CLSTN2: variants seen among roughly 807,000 people sequenced by gnomAD.
CLSTN2 encodes the protein calsyntenin-2.
Under a neutral mutation model 101.2 loss-of-function variants are expected in CLSTN2, and 48 were observed. That is an observed-to-expected ratio of 0.47 (90% CI 0.38 to 0.60). CLSTN2 has a LOEUF of 0.60. Ranked by LOEUF, CLSTN2 falls within the 20% of genes least tolerant of loss-of-function variation. The probability of loss-of-function intolerance (pLI) is 0.00; values close to 1 mark genes in which losing one functional copy is unlikely to be tolerated. For synonymous variants in CLSTN2, 481 were observed against 463.6 expected, an observed-to-expected ratio of 1.04 and a Z score of -0.48; for missense variants, 1,160 against 1,238.2, an observed-to-expected ratio of 0.94 and a Z score of 0.95.
intron 2 of CLSTN2, among the ~76,000 whole-genome samples, chr3:140,180,697 G>T (rs1443753885): frequency 6.6e-6 from 1 of 152,150 alleles, no homozygotes; most frequent in Non-Finnish European, 1.5e-5. Flanking sequence ...GTCTGGACTT[G>T]TCTTTTATAA....
chr3:139,973,715 T>C (rs1203233408), intron 1 of CLSTN2, among the ~76,000 whole-genome samples: 1 of 152,134 alleles, frequency 6.6e-6, no homozygotes, highest in Non-Finnish European at 1.5e-5. Context: ...CACGGCTCAT[T>C]GCAGCCTTGA....
intron 1 of CLSTN2, among the ~76,000 whole-genome samples, chr3:140,048,007 G>A (rs936012011): frequency 2.0e-5 from 3 of 152,144 alleles, no homozygotes; most frequent in Non-Finnish European, 4.4e-5. Flanking sequence ...TAAATGCATG[G>A]CTATTAAAGT....
intron 1 of CLSTN2, among the ~76,000 whole-genome samples, chr3:140,013,391 G>A (rs1214487579): frequency 1.3e-5 from 2 of 152,192 alleles, no homozygotes; most frequent in Non-Finnish European, 2.9e-5. Flanking sequence ...TGGAGAGAAG[G>A]CCTAGCTACT....
At chr3:140,022,252 G>C (rs1301581685) in intron 1 of CLSTN2, among the ~76,000 whole-genome samples, 1 of 152,188 alleles carries the variant, frequency 6.6e-6, no homozygotes, top group Non-Finnish European at 1.5e-5. Flanking sequence ...CTGGCAGCTG[G>C]CTGGGGTGAG....
intron 2 of CLSTN2, among the ~76,000 whole-genome samples, chr3:140,342,812 G>A (rs964432954): frequency 6.6e-6 from 1 of 152,118 alleles, no homozygotes; most frequent in East Asian, 1.9e-4. Context: ...CTGGGACTGT[G>A]GCCAGAACAT....
chr3:139,969,534 A>G (rs1935658817), intron 1 of CLSTN2, among the ~76,000 whole-genome samples: 1 of 151,768 alleles, frequency 6.6e-6, no homozygotes, highest in Admixed American at 6.6e-5. Flanking sequence ...TACATACATC[A>G]CTACCTCCTC....
intron 2 of CLSTN2, among the ~76,000 whole-genome samples, chr3:140,366,828 G>A (rs2087795915): frequency 6.6e-6 from 1 of 152,178 alleles, no homozygotes; most frequent in Non-Finnish European, 1.5e-5. Context: ...GTAGCGTCAG[G>A]GACCAGCTGG....
chr3:139,963,118 C>T (rs1404104081), intron 1 of CLSTN2, among the ~76,000 whole-genome samples: 1 of 151,814 alleles, frequency 6.6e-6, no homozygotes, highest in Non-Finnish European at 1.5e-5. Flanking sequence ...GGGCAGAGAC[C>T]CCTTTCTTGC....
intron 1 of CLSTN2, among the ~76,000 whole-genome samples, chr3:140,082,266 A>G (rs764907479): frequency 1.3e-5 from 2 of 152,156 alleles, no homozygotes; most frequent in Non-Finnish European, 2.9e-5. Flanking sequence ...TGTGGCTGGC[A>G]TTCTTTCCCT....
chr3:140,027,773 G>C (rs935306729), intron 1 of CLSTN2, among the ~76,000 whole-genome samples: 7 of 152,130 alleles, frequency 4.6e-5, no homozygotes, highest in Admixed American at 4.6e-4. Flanking sequence ...AAATCCCTGG[G>C]CTATAAAAAT....
chr3:140,425,811 A>T (rs2088560569), intron 5 of CLSTN2, among the ~76,000 whole-genome samples: 1 of 152,180 alleles, frequency 6.6e-6, no homozygotes, highest in Non-Finnish European at 1.5e-5. Flanking sequence ...TGAATAGGTG[A>T]TAATGGTCAG....
intron 2 of CLSTN2, among the ~76,000 whole-genome samples, chr3:140,249,788 T>A (rs1318601139): frequency 6.6e-6 from 1 of 152,190 alleles, no homozygotes; most frequent in Non-Finnish European, 1.5e-5. Flanking sequence ...CTGAAACTCA[T>A]GGGTCCCAAC....
chr3:139,962,298 G>A (rs944352541), intron 1 of CLSTN2, among the ~76,000 whole-genome samples: 1 of 152,076 alleles, frequency 6.6e-6, no homozygotes, highest in African/African-American at 2.4e-5. Flanking sequence ...ATAATAAAGT[G>A]CACATATTGA....
At chr3:140,557,859 G>A (rs1443820330) in intron 11 of CLSTN2, among the ~76,000 whole-genome samples, 1 of 152,230 alleles carries the variant, frequency 6.6e-6, no homozygotes, top group Non-Finnish European at 1.5e-5. Flanking sequence ...CTGACGAGAA[G>A]TTCAAATCAA....
At chr3:140,544,214 T>A (rs148866699) in intron 9 of CLSTN2, among the ~76,000 whole-genome samples, 1 of 152,252 alleles carries the variant, frequency 6.6e-6, no homozygotes, top group Non-Finnish European at 1.5e-5. Flanking sequence ...AGCTGACTTA[T>A]GCAAAGTGCC....
chr3:140,291,177 A>G (rs78773822), intron 2 of CLSTN2, among the ~76,000 whole-genome samples: 2,863 of 152,216 alleles, frequency 0.019, 75 homozygotes, highest in African/African-American at 0.064. Flanking sequence ...CCATGAATTC[A>G]TGTAAAACAT....
At chr3:140,461,192 G>A (rs1933554088) in intron 7 of CLSTN2, 1 of 152,180 alleles carries the variant, frequency 6.6e-6, no homozygotes, top group Non-Finnish European at 1.5e-5. Flanking sequence ...TGCAGAAACT[G>A]AGAGGTGCCT....
chr3:140,456,650 A>G (rs901426202), intron 6 of CLSTN2, among the ~76,000 whole-genome samples: 1 of 151,978 alleles, frequency 6.6e-6, no homozygotes, highest in East Asian at 1.9e-4. Context: ...AGCCAGACAT[A>G]GTGGCGCATG....
At chr3:140,241,697 G>T (rs2086468201) in intron 2 of CLSTN2, among the ~76,000 whole-genome samples, 1 of 151,786 alleles carries the variant, frequency 6.6e-6, no homozygotes, top group Non-Finnish European at 1.5e-5. Context: ...AACAAATGGA[G>T]TCCTTGGAGT....
Sources: gnomAD v4.1 joint callset for allele counts (sites outside exome capture counted in the v4.1 genomes callset) on GRCh38, gnomAD v4.1.1 for gene constraint, MANE v1.5 for transcripts, NCBI Gene and HGNC (gene_info 2026-07-23, HGNC 2026-07-21) for gene names.